MXRA5: variants seen among roughly 807,000 people sequenced by gnomAD.
The protein encoded by MXRA5 is matrix-remodeling-associated protein 5.
A neutral mutation model predicts 112.5 loss-of-function variants in MXRA5; 41 were observed. The observed-to-expected ratio is 0.36, with a 90% CI of 0.28 to 0.47. MXRA5 has a LOEUF of 0.47. Ranked by LOEUF, MXRA5 falls within the 20% of genes least tolerant of loss-of-function variation. The pLI, the probability that MXRA5 is intolerant of heterozygous loss-of-function variation, is 0.99. For missense variants in MXRA5, 2,150 were observed against 2,251.0 expected (o/e 0.96, Z 0.91); for synonymous variants, 862 against 900.8 (o/e 0.96, Z 0.77).
At chrX:3,332,178 T>C (rs1051824375) in intron 2 of MXRA5, among the ~76,000 whole-genome samples, 1 of 112,303 alleles carries the variant, frequency 8.9e-6, no homozygotes, top group African/African-American at 3.2e-5. Context: ...TTATAAGCTC[T>C]ACCCTCAAAA....
Position 3,317,289 on chromosome X carries a change from G to C in MXRA5, c.6392C>G (p.Ala2131Gly). ...CACGTTCAGCTGCACCGTCCTGCGC[G>C]CGGAGCCTACCAGGTTGGCGGCCAC... ...ECVAANLVGS[A>G]RRTVQLNVQR... is the part of the protein sequence containing the mutation. Residue 2131 changes from alanine to glycine, a missense_variant, in exon 6 of 7, where the codon GCG (alanine) becomes GGG (glycine). This residue lies in a region of MXRA5 where 1,485 missense variants were observed against 1,471.6 expected (regional missense o/e 1.01). Coordinates refer to ENST00000217939, the MANE Select transcript of MXRA5 (RefSeq NM_015419.4). 8.3e-7 allele frequency: 1 copy of C among 1,206,076 alleles called. No individual in the cohort carries two copies. Among genetic ancestry groups the C allele is most frequent in the Non-Finnish European group, 1.1e-6 (1 of 892,275 alleles).
Position 3,341,574 on chromosome X carries a change from T to G in MXRA5, c.188+2072A>C, listed in dbSNP as rs867513268. On this transcript the variant is annotated intron_variant, in intron 2 of 6. Coordinates refer to ENST00000217939, the MANE Select transcript of MXRA5 (RefSeq NM_015419.4). ...ATATAATATATATTATTATTATATA[T>G]AATATATATAATATATATTATTATT... Among the ~76,000 whole-genome samples the G allele has an allele frequency of 3.1e-3, 89 of 28,653 alleles. 1 individual carries two copies. Among genetic ancestry groups the G allele is most frequent in the Non-Finnish European group, 3.8e-3 (82 of 21,517 alleles). The allele number at this position is 28,653 out of a possible 115,157, so 24.9% of individuals were successfully genotyped here. A position where few individuals can be genotyped will look rare whatever the true frequency, so the allele number is the denominator to read the frequency against.
rs747958621 is a variant in MXRA5, at chrX:3,319,461, T to C, written c.5677+547A>G. Reference sequence around the variant, plus strand: ...TTTATTTATGCTCATGCTGTTCTCCTGAACTCCTCGGGCTAGCTGGCTGCA... The same window carrying C: ...TTTATTTATGCTCATGCTGTTCTCCCGAACTCCTCGGGCTAGCTGGCTGCA... On this transcript the variant is annotated intron_variant, in intron 5 of 6. Transcript: ENST00000217939. Among the ~76,000 whole-genome samples the C allele has an allele frequency of 7.8e-4, 88 of 112,785 alleles. 1 individual carries two copies. The highest frequency in any genetic ancestry group is 2.7e-3 in the African/African-American group (84 of 31,108).
At position 3,311,186 on chromosome X, in the gene MXRA5, G is replaced by A. The variant is rs1375462796; in HGVS notation, c.7017C>T (p.Val2339=). 1 of 1,211,718 alleles carries A rather than the reference G, an allele frequency of 8.3e-7. No individual in the cohort carries two copies. The highest frequency in any genetic ancestry group is 1.1e-6 in the Non-Finnish European group (1 of 895,554). ...TGGTGGCGGGCGCTGTCACCACCTT[G>A]ACTCTGACTCTCATCTCGTCCTTCC... ...QVGKDEMRVR[V]KVVTAPATIR... The change falls in exon 7 of 7, where the codon GTC becomes GTT. Residue 2339 remains valine, a synonymous_variant. Transcript: ENST00000217939.
intron 4 of MXRA5, among the ~76,000 whole-genome samples, chrX:3,326,104 C>T (rs890936389): frequency 6.3e-4 from 1 of 1,585 alleles, no homozygotes; most frequent in African/African-American, 2.3e-3. Flanking sequence ...TATATTTATA[C>T]ATAAATACAT....
chrX:3,315,956 T>A (rs1369502521), intron 6 of MXRA5, among the ~76,000 whole-genome samples: 6 of 103,130 alleles, frequency 5.8e-5, no homozygotes, highest in Non-Finnish European at 9.6e-5. Flanking sequence ...TTATCCTTTT[T>A]TCCTTTTTTT....
In MXRA5 at chrX:3,324,134, A is replaced by G; in HGVS notation, c.1551T>C (p.Asp517=). The G allele has an allele frequency of 2.5e-6, 3 of 1,211,505 alleles. No homozygotes were observed. The highest frequency in any genetic ancestry group is 3.4e-6 in the Non-Finnish European group (3 of 895,476). ...CCATGGGCGCTTTCAGGATGGAGCC[A>G]TCTGGAAGCACCCAGAAGATAGATG... ...ESPSIFWVLP[D]GSILKAPMDD... is the part of the protein sequence containing the mutation. Residue 517 remains aspartate, a synonymous_variant, in exon 5 of 7, where the codon GAT becomes GAC. Coordinates refer to ENST00000217939, the MANE Select transcript of MXRA5 (RefSeq NM_015419.4).
intron 4 of MXRA5, among the ~76,000 whole-genome samples, chrX:3,326,013 T>G (rs1305984531): frequency 5.8e-5 from 3 of 52,170 alleles, no homozygotes; most frequent in Non-Finnish European, 1.0e-4. Context: ...ATTATATATA[T>G]TTATATGTAT....
At chrX:3,343,605 G>C (rs374679302) in intron 2 of MXRA5, 41 bp downstream of exon 2, 1 of 1,146,758 alleles carries the variant, frequency 8.7e-7, no homozygotes, top group Admixed American at 2.2e-5. Context: ...CAAGACGCAC[G>C]CACTGACAGT....
At chrX:3,329,250 G>T (rs1192620769) in intron 4 of MXRA5, among the ~76,000 whole-genome samples, 1 of 72,676 alleles carries the variant, frequency 1.4e-5, no homozygotes, top group Non-Finnish European at 2.8e-5. Context: ...AGGAGGGAAG[G>T]TGGGAAGCAG....
rs371139557 is a variant in MXRA5, at chrX:3,324,781, C to T, written c.904G>A (p.Gly302Ser). 5 of 1,208,160 alleles carry T rather than the reference C, an allele frequency of 4.1e-6. No homozygotes were observed. The African/African-American group carries it at 8.8e-5, about 21-fold the overall frequency. The change falls in exon 5 of 7, where the codon GGT (glycine) becomes AGT (serine). Residue 302 changes from glycine to serine, a missense_variant. Physicochemically the swap from Gly to Ser is moderately conservative, Grantham distance 56 (BLOSUM62 0). This residue lies in a region of MXRA5 where 386 missense variants were observed against 411.0 expected (regional missense o/e 0.94). Coordinates refer to ENST00000217939, the MANE Select transcript of MXRA5 (RefSeq NM_015419.4). The part of the protein sequence containing the change: ...IEEEQEQEED[G>S]GSQLILEKFQ... ...TTCTCCAGGATGAGCTGGCTGCCAC[C>T]ATCCTCTTCCTGTTCTTGCTCCTCC...
At position 3,310,781 on chromosome X, in the gene MXRA5, C is replaced by A. The variant is rs774395850; in HGVS notation, c.7422G>T (p.Pro2474=). The A allele has an allele frequency of 8.3e-7, 1 of 1,204,283 alleles. No individual in the cohort carries two copies. Among genetic ancestry groups the A allele is most frequent in the African/African-American group, 1.8e-5 (1 of 56,303 alleles). The change falls in exon 7 of 7, where the codon CCG becomes CCT. Residue 2474 remains proline (P), a synonymous_variant. Coordinates refer to ENST00000217939, the MANE Select transcript of MXRA5 (RefSeq NM_015419.4). ...CCTCGGGAAAAGCCCATAACACCCTCGGGGTGGGGATGCCTTCAGCTTTGC... is the reference window on the plus strand; with the variant it reads ...CCTCGGGAAAAGCCCATAACACCCTAGGGGTGGGGATGCCTTCAGCTTTGC... ...IDCKAEGIPT[P]RVLWAFPEGV... is the part of the protein sequence containing the mutation.
chrX:3,319,500 C>T (rs749225968), intron 5 of MXRA5, among the ~76,000 whole-genome samples: 1 of 112,981 alleles, frequency 8.9e-6, no homozygotes, highest in African/African-American at 3.2e-5. Flanking sequence ...GCATCCCAGG[C>T]TTGCAGTGGC....
At position 3,320,747 on chromosome X, in the gene MXRA5, C is replaced by G. The variant is rs138419461; in HGVS notation, c.4938G>C (p.Pro1646=). 3.3e-6 allele frequency: 4 copies of G among 1,210,169 alleles called. No homozygotes were observed. The highest frequency in any genetic ancestry group is 4.5e-6 in the Non-Finnish European group (4 of 895,237). The change falls in exon 5 of 7, where the codon CCG becomes CCC. Residue 1646 remains proline, a synonymous_variant. Coordinates refer to ENST00000217939, the MANE Select transcript of MXRA5 (RefSeq NM_015419.4). ...SQSPRHWTNK[P]EITTYPSGAL... is the part of the protein sequence containing the mutation. ...CCCCAGAAGGATATGTAGTTATTTCCGGTTTGTTGGTCCAGTGACGAGGTG... is the reference window on the plus strand; with the variant it reads ...CCCCAGAAGGATATGTAGTTATTTCGGGTTTGTTGGTCCAGTGACGAGGTG...
Position 3,320,773 on chromosome X carries a change from A to T in MXRA5, c.4912T>A (p.Ser1638Thr), listed in dbSNP as rs1440122202. ...SASRYFVTSQ[S>T]PRHWTNKPEI... ...GGTTTGTTGGTCCAGTGACGAGGTGACTGGGAAGTTACAAAGTATCTGGAA... is the reference window on the plus strand; with the variant it reads ...GGTTTGTTGGTCCAGTGACGAGGTGTCTGGGAAGTTACAAAGTATCTGGAA... Residue 1638 changes from serine (S) to threonine (T), a missense_variant, in exon 5 of 7, where the codon TCA becomes ACA. Physicochemically the swap from Ser to Thr is moderately conservative, Grantham distance 58. Around this residue, in one of 6 missense-constraint regions of MXRA5, gnomAD observed 1,485 missense variants for 1,471.6 expected, o/e 1.01. Transcript: ENST00000217939. The T allele has an allele frequency of 8.3e-7, 1 of 1,212,042 alleles. No homozygotes were observed. Among genetic ancestry groups the T allele is most frequent in the South Asian group, 1.8e-5 (1 of 56,994 alleles).
At chrX:3,336,170 A>G (rs145618760) in intron 2 of MXRA5, among the ~76,000 whole-genome samples, 19,119 of 111,352 alleles carry the variant, frequency 0.17, 2,074 homozygotes, top group African/African-American at 0.39. Context: ...TCCTTATGAG[A>G]ATCTAATGCC....
In MXRA5 at chrX:3,309,398, T is replaced by A. The variant is rs1292020235; in HGVS notation, c.*318A>T. 3 of 278,014 alleles carry A rather than the reference T, an allele frequency of 1.1e-5. No homozygotes were observed. Among genetic ancestry groups the A allele is most frequent in the Non-Finnish European group, 1.9e-5 (3 of 159,361 alleles). The allele number at this position is 278,014 out of a possible 1,213,427, so 22.9% of individuals were successfully genotyped here. A position where few individuals can be genotyped will look rare whatever the true frequency, so the allele number is the denominator to read the frequency against. ...TGATGAATGTTCCTCAGATATCCTA[T>A]GGACGCTTATGAAGGCAGTCGAGTG... On this transcript the variant is annotated 3_prime_UTR_variant, in exon 7 of 7. Transcript: ENST00000217939.
intron 2 of MXRA5, among the ~76,000 whole-genome samples, chrX:3,339,176 C>T (rs1198645891): frequency 9.0e-6 from 1 of 111,151 alleles, no homozygotes; most frequent in Non-Finnish European, 1.9e-5. Flanking sequence ...AGGAAGGCAC[C>T]CAAAGTCTGG....
chrX:3,316,256 G>A (rs1397472157), intron 6 of MXRA5, among the ~76,000 whole-genome samples: 1 of 60,901 alleles, frequency 1.6e-5, no homozygotes, highest in Non-Finnish European at 2.9e-5. Context: ...GGAGCTTGCA[G>A]TGAGCCAAGA....
Sources: gnomAD v4.1 joint callset for allele counts (sites outside exome capture counted in the v4.1 genomes callset) on GRCh38, gnomAD v4.1.1 for gene constraint, gnomAD v4.1.1 regional missense constraint, MANE v1.5 for transcripts, NCBI Gene and HGNC (gene_info 2026-07-23, HGNC 2026-07-21) for gene names.